TNNT2: variants seen among roughly 807,000 people sequenced by gnomAD.
TNNT2 encodes the protein troponin T, cardiac muscle.
Under a neutral mutation model 62.4 loss-of-function variants are expected in TNNT2, and 34 were observed. That is an observed-to-expected ratio of 0.54 (90% CI 0.41 to 0.72). The LOEUF is 0.72. TNNT2 is among the 30% of genes least tolerant of loss of function. TNNT2 has a pLI of 0.00. For synonymous variants in TNNT2, 123 were observed against 127.2 expected, an observed-to-expected ratio of 0.97 and a Z score of 0.22; for missense variants, 275 against 381.9, an observed-to-expected ratio of 0.72 and a Z score of 2.33.
chr1:201,365,739 G>C, intron 8 of TNNT2, 69 bp from the exon 9 acceptor site: 1 of 1,588,948 alleles, frequency 6.3e-7, no homozygotes, highest in Non-Finnish European at 8.6e-7. Context: ...TCCAGGACAG[G>C]CAGGGCCCTG....
At chr1:201,366,725 T>G in intron 8 of TNNT2, 113 bp downstream of exon 8, 1 of 1,605,724 alleles carries the variant, frequency 6.2e-7, no homozygotes. Context: ...TGGTGCTCTG[T>G]GCCCACCAAA....
At chr1:201,368,446 C>A in intron 5 of TNNT2, 1 of 631,202 alleles carries the variant, frequency 1.6e-6, no homozygotes, top group South Asian at 1.5e-5. Flanking sequence ...TCCCGGCAAC[C>A]TCCCTGATGA....
chr1:201,365,623 C>T lies in TNNT2; in HGVS notation c.281G>A (p.Arg94Lys). 1 of 1,614,078 alleles carries T rather than the reference C, an allele frequency of 6.2e-7. No individual in the cohort carries two copies. Among genetic ancestry groups the T allele is most frequent in the Admixed American group, 1.7e-5 (1 of 60,002 alleles). The change falls in exon 9 of 17, where the codon AGA (arginine) becomes AAA (lysine). Residue 94 changes from arginine (R) to lysine (K), a missense_variant. By Grantham distance (26) the Arg-to-Lys change is conservative. Coordinates refer to ENST00000656932, the MANE Select transcript of TNNT2 (RefSeq NM_001276345.2). Reference sequence around the variant, plus strand: ...GCCACCGCTTACATCAAAGTCCACTCTCTCTCCATCGGGGATCTTGGGAGG... The same window carrying T: ...GCCACCGCTTACATCAAAGTCCACTTTCTCTCCATCGGGGATCTTGGGAGG... ...LVPPKIPDGE[R>K]VDFDDIHRKR...
chr1:201,366,702 T>C, intron 8 of TNNT2, 136 bp downstream of exon 8: 1 of 1,589,604 alleles, frequency 6.3e-7, no homozygotes, highest in Non-Finnish European at 8.5e-7. Flanking sequence ...ACACAACTTG[T>C]ACAACTGTAC....
At chr1:201,369,403 A>G (rs1571657066) in intron 5 of TNNT2, 1 of 475,886 alleles carries the variant, frequency 2.1e-6, no homozygotes, top group East Asian at 6.8e-5. Context: ...CCCCCCAACC[A>G]ACACCTGGCC....
At chr1:201,361,410 AG>A in intron 14 of TNNT2, 41 bp from the exon 15 acceptor site, 2 of 1,563,532 alleles carry the variant, frequency 1.3e-6, no homozygotes, top group African/African-American at 2.7e-5. Context: ...CCAGTAAGAA[AG>A]GGCCCTCCTG....
At chr1:201,366,178 C>A (rs900499233) in intron 8 of TNNT2, 5 of 1,047,776 alleles carry the variant, frequency 4.8e-6, no homozygotes, top group Non-Finnish European at 4.6e-6. Context: ...AAATGAGATA[C>A]CGCAGTGCAC....
At chr1:201,373,593 C>CCCCACTCCA (rs1660973446) in intron 1 of TNNT2, 14 of 407,510 alleles carry the variant, frequency 3.4e-5, no homozygotes, top group South Asian at 2.9e-4. Context: ...CTCTGCCCAC[C>CCCCACTCCA]CCCACTCCAC....
At chr1:201,366,940 T>C in intron 7 of TNNT2, 69 bp from the exon 8 acceptor site, 1 of 1,611,948 alleles carries the variant, frequency 6.2e-7, no homozygotes, top group Non-Finnish European at 8.5e-7. Context: ...CCGCCCTCGA[T>C]GAGCTAGATC....
intron 8 of TNNT2, chr1:201,365,891 G>T: frequency 7.1e-7 from 1 of 1,412,860 alleles, no homozygotes; most frequent in Non-Finnish European, 9.3e-7. Flanking sequence ...TTCACTTCAT[G>T]CTCATGATAT....
intron 11 of TNNT2, 41 bp downstream of exon 11, chr1:201,364,257 G>A: frequency 1.3e-6 from 2 of 1,590,674 alleles, no homozygotes; most frequent in Non-Finnish European, 1.7e-6. Context: ...GGAGCTGGGA[G>A]CATGGGGGGC....
rs1660923710 is a variant in TNNT2, at chr1:201,373,241, T to C, written c.14A>G (p.Glu5Gly). 1 of 1,613,922 alleles carries C rather than the reference T, an allele frequency of 6.2e-7. No individual in the cohort carries two copies. Reference protein sequence around the residue: MSDIEEVVEEYEEEE... With the variant: MSDIGEVVEEYEEEE... ...CTCCTCGTACTCTTCCACCACCTCT[T>C]CTATGTCAGACATGGTCTCTGCTCT... Residue 5 changes from glutamate to glycine, a missense_variant, in exon 2 of 17, where the codon GAA becomes GGA. Glu to Gly is a moderately conservative substitution (Grantham distance 98). Transcript: ENST00000656932.
intron 15 of TNNT2, chr1:201,360,397 A>G (rs1275995169): frequency 6.5e-6 from 1 of 153,454 alleles, no homozygotes; most frequent in Non-Finnish European, 1.4e-5. Flanking sequence ...CACCCTCTGA[A>G]GTATATTGTA....
At chr1:201,361,876 C>A (rs759469356) in intron 14 of TNNT2, 37 bp downstream of exon 14, 10 of 1,582,622 alleles carry the variant, frequency 6.3e-6, no homozygotes, top group Admixed American at 1.7e-5. Context: ...AGAGCAGATG[C>A]GGGCAGTGCC....
intron 4 of TNNT2, among the ~76,000 whole-genome samples, chr1:201,371,703 G>T (rs890837081): frequency 1.3e-5 from 2 of 151,974 alleles, no homozygotes; most frequent in Non-Finnish European, 2.9e-5. Context: ...TGGGCAGGGG[G>T]GGCCATTATT....
Position 201,365,658 on chromosome 1 carries a change from G to A in TNNT2, c.246C>T (p.Pro82=). 1 of 1,613,948 alleles carries A rather than the reference G, an allele frequency of 6.2e-7. No homozygotes were observed. Among genetic ancestry groups the A allele is most frequent in the Admixed American group, 1.7e-5 (1 of 59,990 alleles). The change falls in exon 9 of 17, where the codon CCC becomes CCT. Residue 82 remains proline (P), a synonymous_variant. Transcript: ENST00000656932. ...ESKPKPRSFM[P]NLVPPKIPDG... ...CGGGGATCTTGGGAGGCACCAAGTT[G>A]GGCATGAACGACCTGTTGGAGAGAG...
rs35448837 is a variant in TNNT2 at position 201,365,379 on chromosome 1, AC to A, written c.295-73del. The A allele has an allele frequency of 7.4e-5, 103 of 1,384,582 alleles. No individual in the cohort carries two copies. In the African/African-American group the frequency reaches 1.1e-3, roughly 15 times the overall value. The allele number at this position is 1,384,582 out of a possible 1,614,324, so 85.8% of individuals were successfully genotyped here. A position where few individuals can be genotyped will look rare whatever the true frequency, so the allele number is the denominator to read the frequency against. Reference sequence around the variant, plus strand: ...CAGAGGAGAGATGGGTGGGCTAGACACCCCCCAACGCAGTGCAAAAGACCTC... The same window carrying A: ...CAGAGGAGAGATGGGTGGGCTAGACACCCCCAACGCAGTGCAAAAGACCTC... On this transcript the variant is annotated intron_variant, in intron 9 of 16. Transcript: ENST00000656932.
In TNNT2 at chr1:201,372,669, G is replaced by T. The variant is rs149382462; in HGVS notation, c.42-514C>A. Reference sequence around the variant, plus strand: ...TAACATCTCAACAAGAGTAAGTTCTGTGAGGGCAGTAGCCGTGCCTATACC... The same window carrying T: ...TAACATCTCAACAAGAGTAAGTTCTTTGAGGGCAGTAGCCGTGCCTATACC... On this transcript the variant is annotated intron_variant, in intron 2 of 16. Coordinates refer to ENST00000656932, the MANE Select transcript of TNNT2 (RefSeq NM_001276345.2). Among the ~76,000 whole-genome samples, 8 of 152,316 alleles carry T rather than the reference G, an allele frequency of 5.3e-5. No individual in the cohort carries two copies. The South Asian group carries it at 1.2e-3, about 24-fold the overall frequency.
intron 1 of TNNT2, among the ~76,000 whole-genome samples, chr1:201,376,254 C>A (rs1359517825): frequency 6.6e-6 from 1 of 152,224 alleles, no homozygotes; most frequent in Admixed American, 6.5e-5. Flanking sequence ...ATAAGGCATA[C>A]TGACCTTGGG....
Sources: gnomAD v4.1 joint callset for allele counts (sites outside exome capture counted in the v4.1 genomes callset) on GRCh38, gnomAD v4.1.1 for gene constraint, MANE v1.5 for transcripts, NCBI Gene and HGNC (gene_info 2026-07-23, HGNC 2026-07-21) for gene names.